The following MYT1L variants were observed in gnomAD, a reference collection of about 807,000 sequenced individuals.
MYT1L encodes the protein myelin transcription factor 1 like, also known as myelin transcription factor 1-like protein.
In MYT1L, 12 loss-of-function variants were observed where a neutral mutation model predicts 126.7. The observed-to-expected ratio is 0.09, with a 90% CI of 0.06 to 0.15. The LOEUF (loss-of-function observed/expected upper bound fraction) is 0.15. Ranked by LOEUF, MYT1L falls within the 10% of genes least tolerant of loss-of-function variation. The pLI is 1.00. For synonymous variants in MYT1L, 541 were observed against 604.2 expected (o/e 0.90, Z 1.53); for missense variants, 979 against 1,585.2 (o/e 0.62, Z 6.49).
chr2:1,972,333 G>A (rs978557185), intron 8 of MYT1L, among the ~76,000 whole-genome samples: 4 of 147,536 alleles, frequency 2.7e-5, no homozygotes, highest in Non-Finnish European at 5.9e-5. Flanking sequence ...GGAAAATTGT[G>A]TTAAACTTTC....
intron 14 of MYT1L, among the ~76,000 whole-genome samples, chr2:1,894,126 G>A (rs2049275094): frequency 1.3e-5 from 2 of 152,356 alleles, no homozygotes; most frequent in South Asian, 4.1e-4. Flanking sequence ...TAATCTGAAT[G>A]AGCAAAGCCA....
Position 1,852,233 on chromosome 2 carries a change from A to G in MYT1L, c.2712-530T>C, listed in dbSNP as rs1049204027. On this transcript the variant is annotated intron_variant, in intron 18 of 24. Transcript: ENST00000647738. The surrounding 1 kb of genome is among the most constrained non-coding windows in gnomAD (Gnocchi z 4.0). ...GGGAGCAGTGAGGGTATCGACCCGCATCTGGACCATGGGAATGCAGGCCGA... is the reference window on the plus strand; with the variant it reads ...GGGAGCAGTGAGGGTATCGACCCGCGTCTGGACCATGGGAATGCAGGCCGA... Among the ~76,000 whole-genome samples, 2 of 152,194 alleles carry G rather than the reference A, an allele frequency of 1.3e-5. No homozygotes were observed. Among genetic ancestry groups the G allele is most frequent in the Admixed American group, 6.5e-5 (1 of 15,282 alleles).
At chr2:2,068,785 T>TTG (rs1574960075) in intron 3 of MYT1L, among the ~76,000 whole-genome samples, 2 of 141,528 alleles carry the variant, frequency 1.4e-5, no homozygotes, top group East Asian at 4.1e-4. Flanking sequence ...TTTTTTTTTT[T>TTG]TTTTTTTTTT....
At chr2:2,120,534 C>G (rs1268007485) in intron 3 of MYT1L, among the ~76,000 whole-genome samples, 1 of 151,926 alleles carries the variant, frequency 6.6e-6, no homozygotes, top group Non-Finnish European at 1.5e-5. Context: ...CTCCATCTCA[C>G]TCTTTTAAAC....
intron 18 of MYT1L, among the ~76,000 whole-genome samples, chr2:1,865,101 T>A (rs2045281656): frequency 6.6e-6 from 1 of 152,194 alleles, no homozygotes. Context: ...GGTGTCAGCG[T>A]GCTAACCCTC....
At chr2:2,118,202 A>G (rs1415053791) in intron 3 of MYT1L, among the ~76,000 whole-genome samples, 1 of 151,788 alleles carries the variant, frequency 6.6e-6, no homozygotes, top group Non-Finnish European at 1.5e-5. Context: ...AGACAATAGG[A>G]TGGAATCAAA....
intron 8 of MYT1L, among the ~76,000 whole-genome samples, chr2:1,970,951 T>C (rs1424462289): frequency 1.3e-5 from 2 of 152,234 alleles, no homozygotes; most frequent in African/African-American, 4.8e-5. Flanking sequence ...TTCATCAGTA[T>C]ACTTATTGTT....
chr2:2,254,839 C>A (rs1252773619), intron 2 of MYT1L, among the ~76,000 whole-genome samples: 1 of 152,158 alleles, frequency 6.6e-6, no homozygotes, highest in Non-Finnish European at 1.5e-5. Context: ...ACTGATCTAC[C>A]ATACAGCCCC....
At position 1,889,190 on chromosome 2, in the gene MYT1L, GC is replaced by G; in HGVS notation, c.2520+50del. The G allele has an allele frequency of 6.8e-7, 1 of 1,478,734 alleles. No homozygotes were observed. The highest frequency in any genetic ancestry group is 9.3e-7 in the Non-Finnish European group (1 of 1,071,294). 91.6% of individuals were successfully genotyped at this position (1,478,734 alleles called of 1,614,324 possible). On this transcript the variant is annotated intron_variant, in intron 16 of 24. Coordinates refer to ENST00000647738, the MANE Select transcript of MYT1L (RefSeq NM_001303052.2). This position sits in a 1 kb window ranked among gnomAD's most constrained non-coding sequence, Gnocchi z 4.1. ...GCAAATGGCTTTTCTTTCAGCTGGG[GC>G]CCCATTTTTAAGTCTGGCAGTCAAC...
chr2:1,896,216 A>G (rs1259157604), intron 14 of MYT1L, among the ~76,000 whole-genome samples: 1 of 152,208 alleles, frequency 6.6e-6, no homozygotes, highest in Non-Finnish European at 1.5e-5. Flanking sequence ...TGGAGAAAAG[A>G]GAACACTTAT....
chr2:1,915,516 C>G (rs1302583455), intron 11 of MYT1L, among the ~76,000 whole-genome samples: 3 of 152,246 alleles, frequency 2.0e-5, no homozygotes, highest in Non-Finnish European at 4.4e-5. Flanking sequence ...AGCTGATAAT[C>G]TACCTTGAAG....
At chr2:2,227,698 AT>A (rs1166031693) in intron 2 of MYT1L, among the ~76,000 whole-genome samples, 2 of 152,192 alleles carry the variant, frequency 1.3e-5, no homozygotes, top group Non-Finnish European at 2.9e-5. Context: ...AGTGGTTCAA[AT>A]ATGTTCACTA....
intron 3 of MYT1L, among the ~76,000 whole-genome samples, chr2:2,115,782 T>C (rs1170828452): frequency 6.6e-6 from 1 of 151,984 alleles, no homozygotes; most frequent in African/African-American, 2.4e-5. Flanking sequence ...TGCTGTGCAG[T>C]TGAGGAAGCT....
chr2:1,865,316 C>T (rs1260516600), intron 18 of MYT1L, among the ~76,000 whole-genome samples: 4 of 152,154 alleles, frequency 2.6e-5, no homozygotes, highest in African/African-American at 7.2e-5. Flanking sequence ...CCTGCTCCTG[C>T]GGCCGTGCGG....
chr2:1,962,913 C>A (rs1261636873), intron 8 of MYT1L, among the ~76,000 whole-genome samples: 1 of 152,192 alleles, frequency 6.6e-6, no homozygotes, highest in Non-Finnish European at 1.5e-5. Flanking sequence ...ATTCCAAATT[C>A]TTGTTAATGT....
chr2:2,087,194 G>A (rs2076445506), intron 3 of MYT1L, among the ~76,000 whole-genome samples: 1 of 152,146 alleles, frequency 6.6e-6, no homozygotes, highest in Non-Finnish European at 1.5e-5. Flanking sequence ...CATTACGGGA[G>A]TCCCCCTGAT....
intron 8 of MYT1L, among the ~76,000 whole-genome samples, chr2:1,954,963 GAGAAAGAAAGAAA>G (rs2058209821): frequency 6.6e-6 from 1 of 151,186 alleles, no homozygotes; most frequent in Non-Finnish European, 1.5e-5. Context: ...AAGAGAGAGA[GAGAAAGAAAGAAA>G]AGAAAGAAAG....
At chr2:2,133,402 C>T (rs1245229787) in intron 3 of MYT1L, among the ~76,000 whole-genome samples, 2 of 152,130 alleles carry the variant, frequency 1.3e-5, no homozygotes, top group Admixed American at 6.5e-5. Flanking sequence ...AGTCACTCCC[C>T]CTCATGCTTC....
At chr2:1,843,427 G>A (rs1191039478) in intron 19 of MYT1L, among the ~76,000 whole-genome samples, 2 of 151,746 alleles carry the variant, frequency 1.3e-5, no homozygotes, top group Admixed American at 6.6e-5. Context: ...AGTTACTACG[G>A]TATCCTACCC....
Sources: allele counts gnomAD v4.1 joint callset (sites outside exome capture counted in the v4.1 genomes callset), GRCh38; gene constraint gnomAD v4.1.1; non-coding constraint Gnocchi (gnomAD v3.1); transcripts MANE v1.5; gene names NCBI Gene and HGNC (gene_info 2026-07-23, HGNC 2026-07-21).